Variants in SLC39A11 observed in about 807,000 individuals in gnomAD.
SLC39A11 encodes solute carrier family 39 member 11.
A neutral mutation model predicts 36.1 loss-of-function variants in SLC39A11; 33 were observed. The ratio of observed to expected loss-of-function variants is 0.91; its 90% CI spans 0.69 to 1.22. SLC39A11 has a LOEUF of 1.22. Ranked by LOEUF, SLC39A11 falls within the 50% of genes most tolerant of loss-of-function variation. The probability of loss-of-function intolerance (pLI) is 0.00; values close to 1 mark genes in which losing one functional copy is unlikely to be tolerated. For missense variants in SLC39A11, 432 were observed against 430.3 expected (o/e 1.00, Z -0.03); for synonymous variants, 166 against 170.3 (o/e 0.97, Z 0.20).
intron 7 of SLC39A11, among the ~76,000 whole-genome samples, chr17:72,670,196 C>A (rs867495845): frequency 8.8e-5 from 8 of 90,564 alleles, no homozygotes; most frequent in Non-Finnish European, 1.4e-4. Flanking sequence ...CACACACACA[C>A]ACACACACAC....
intron 4 of SLC39A11, among the ~76,000 whole-genome samples, chr17:73,020,078 C>T (rs571406298): frequency 2.6e-4 from 40 of 152,258 alleles, no homozygotes; most frequent in African/African-American, 6.0e-4. Flanking sequence ...GTGTCCATTT[C>T]GAGTTATGTT....
At chr17:72,725,561 C>T (rs1447581246) in intron 7 of SLC39A11, 3 of 152,146 alleles carry the variant, frequency 2.0e-5, no homozygotes, top group South Asian at 2.1e-4. Context: ...CTGTACAAGC[C>T]GAACATAGAT....
chr17:72,884,567 C>A (rs1349014807), intron 5 of SLC39A11, among the ~76,000 whole-genome samples: 1 of 152,196 alleles, frequency 6.6e-6, no homozygotes, highest in Non-Finnish European at 1.5e-5. Flanking sequence ...TTGGATTTTT[C>A]AGGTAGTCAT....
chr17:72,701,209 G>A (rs1317512373), intron 7 of SLC39A11, among the ~76,000 whole-genome samples: 3 of 152,222 alleles, frequency 2.0e-5, no homozygotes, highest in African/African-American at 7.2e-5. Context: ...CCTTCCAGGA[G>A]GTTAAAGACC....
At chr17:72,913,126 T>C (rs2147138573) in intron 5 of SLC39A11, among the ~76,000 whole-genome samples, 1 of 152,146 alleles carries the variant, frequency 6.6e-6, no homozygotes, top group South Asian at 2.1e-4. Flanking sequence ...TATACTGGTG[T>C]AGACTAGAGA....
At chr17:72,660,579 G>A (rs1434126830) in intron 7 of SLC39A11, among the ~76,000 whole-genome samples, 1 of 152,216 alleles carries the variant, frequency 6.6e-6, no homozygotes, top group Non-Finnish European at 1.5e-5. Flanking sequence ...ACCATATGGA[G>A]ATAGGGGCGG....
Position 72,770,987 on chromosome 17 carries a change from T to C in SLC39A11, c.602-34268A>G, listed in dbSNP as rs994706435. On this transcript the variant is annotated intron_variant, in intron 6 of 9. Coordinates refer to ENST00000255559, the MANE Select transcript of SLC39A11 (RefSeq NM_139177.4). ...TAGGACACACTTTGGTTATAATGAA[T>C]CTTAATGATGTTAAAAAGTAATAGG... is the stretch of plus-strand genomic sequence containing the variant. Among the ~76,000 whole-genome samples the C allele has an allele frequency of 2.0e-5, 3 of 151,982 alleles. No homozygotes were observed. In the South Asian group the frequency reaches 6.2e-4, roughly 32 times the overall value.
chr17:73,068,244 C>CT, intron 3 of SLC39A11: 11 of 791,952 alleles, frequency 1.4e-5, no homozygotes, highest in Non-Finnish European at 2.1e-5. Flanking sequence ...CCTCCAGTAG[C>CT]ACTTGAGGGA....
At chr17:72,658,044 A>G (rs2070223379) in intron 7 of SLC39A11, among the ~76,000 whole-genome samples, 1 of 152,208 alleles carries the variant, frequency 6.6e-6, no homozygotes, top group Admixed American at 6.5e-5. Flanking sequence ...GGACAGCAGC[A>G]GACACTTTGC....
intron 6 of SLC39A11, among the ~76,000 whole-genome samples, chr17:72,782,446 G>A (rs1365089105): frequency 6.6e-6 from 1 of 152,074 alleles, no homozygotes; most frequent in East Asian, 1.9e-4. Context: ...CACTAGCCAA[G>A]TCCCTTGGCA....
chr17:73,014,738 C>T (rs1011106465), intron 4 of SLC39A11, among the ~76,000 whole-genome samples: 3 of 152,184 alleles, frequency 2.0e-5, no homozygotes, highest in African/African-American at 7.2e-5. Context: ...GCTTTTGAGG[C>T]CCTTGTTCTC....
At chr17:72,911,266 TG>T (rs2147110579) in intron 5 of SLC39A11, among the ~76,000 whole-genome samples, 1 of 151,926 alleles carries the variant, frequency 6.6e-6, no homozygotes, top group African/African-American at 2.4e-5. Context: ...GGGCCTGTTG[TG>T]GGGTGGAGGA....
At position 73,084,813 on chromosome 17, in the gene SLC39A11, C is replaced by T. The variant is rs770770804; in HGVS notation, c.142G>A (p.Ala48Thr). 2 of 1,614,054 alleles carry T rather than the reference C, an allele frequency of 1.2e-6. No individual in the cohort carries two copies. Among genetic ancestry groups the T allele is most frequent in the South Asian group, 1.1e-5 (1 of 91,084 alleles). ...TCCTACTACATGCTACTTACCCCTG[C>T]AGCAAAGCCAAGACTTCCATCTAAG... ...RILDGSLGFA[A>T]GVMLAASYWS... The change falls in exon 3 of 10, where the codon GCA (alanine) becomes ACA (threonine). Residue 48 changes from alanine to threonine, a missense_variant. Ala to Thr is a moderately conservative substitution (Grantham distance 58). Transcript: ENST00000255559.
chr17:72,993,458 G>A (rs936398397), intron 4 of SLC39A11, among the ~76,000 whole-genome samples: 4 of 152,184 alleles, frequency 2.6e-5, no homozygotes, highest in Non-Finnish European at 4.4e-5. Context: ...GTGCAGCCAG[G>A]GCTGAGAACC....
At chr17:72,834,231 A>G (rs1347343626) in intron 6 of SLC39A11, among the ~76,000 whole-genome samples, 1 of 152,250 alleles carries the variant, frequency 6.6e-6, no homozygotes, top group African/African-American at 2.4e-5. Flanking sequence ...AAGTCATGCT[A>G]AGGAGCTAAA....
Position 72,959,471 on chromosome 17 carries a change from GAAA to G in SLC39A11, c.307-11599_307-11597del, listed in dbSNP as rs1019871296. On this transcript the variant is annotated intron_variant, in intron 4 of 9. Transcript: ENST00000255559. ...TTCTAAGTGAAGTAACTCAAGAATG[GAAA>G]ACCAAACATCATATGTTCTCACTGA... Among the ~76,000 whole-genome samples, 36 of 151,184 alleles carry G rather than the reference GAAA, an allele frequency of 2.4e-4. 1 individual carries two copies. Among genetic ancestry groups the G allele is most frequent in the Admixed American group, 2.4e-3 (36 of 15,164 alleles).
intron 7 of SLC39A11, chr17:72,725,482 A>C (rs2073886854): frequency 6.6e-6 from 1 of 152,368 alleles, no homozygotes; most frequent in African/African-American, 2.4e-5. Flanking sequence ...TATCCAAAGC[A>C]AAGTTGGACA....
intron 7 of SLC39A11, among the ~76,000 whole-genome samples, chr17:72,658,699 A>C (rs1037495100): frequency 6.6e-6 from 1 of 152,158 alleles, no homozygotes; most frequent in Non-Finnish European, 1.5e-5. Context: ...CATATGAGTC[A>C]AACACATCTG....
At position 72,998,082 on chromosome 17, in the gene SLC39A11, T is replaced by C. The variant is rs764378780; in HGVS notation, c.306+33474A>G. On this transcript the variant is annotated intron_variant, in intron 4 of 9. Transcript: ENST00000255559. Reference sequence around the variant, plus strand: ...GCTGTTGCACCACGGGGTATGTAACTGCTAAGATGAAAAAGGCGTTAAATT... The same window carrying C: ...GCTGTTGCACCACGGGGTATGTAACCGCTAAGATGAAAAAGGCGTTAAATT... Among the ~76,000 whole-genome samples the C allele has an allele frequency of 2.6e-5, 4 of 152,136 alleles. No homozygotes were observed. The South Asian group carries it at 8.3e-4, about 32-fold the overall frequency.
Sources: gnomAD v4.1 joint callset for allele counts (sites outside exome capture counted in the v4.1 genomes callset) on GRCh38, gnomAD v4.1.1 for gene constraint, MANE v1.5 for transcripts, NCBI Gene and HGNC (gene_info 2026-07-23, HGNC 2026-07-21) for gene names.